GNPDA1: variants seen among roughly 807,000 people sequenced by gnomAD.
The protein encoded by GNPDA1 is glucosamine-6-phosphate deaminase 1.
In GNPDA1, 24 loss-of-function variants were observed where a neutral mutation model predicts 28.5. That is an observed-to-expected ratio of 0.84 (90% confidence interval 0.61 to 1.19). The LOEUF (loss-of-function observed/expected upper bound fraction) is 1.19. Ranked by LOEUF, GNPDA1 falls within the 50% of genes most tolerant of loss-of-function variation. GNPDA1 has a pLI of 0.00. For missense variants in GNPDA1, 264 were observed against 367.3 expected (o/e 0.72, Z 2.30); for synonymous variants, 147 against 139.3 (o/e 1.06, Z -0.39).
intron 2 of GNPDA1, among the ~76,000 whole-genome samples, chr5:142,008,470 T>C (rs1755860752): frequency 1.3e-5 from 2 of 152,346 alleles, no homozygotes; most frequent in South Asian, 4.1e-4. Context: ...CTCACGCCTG[T>C]AACCCCAACA....
Position 142,005,054 on chromosome 5 carries a change from G to A in GNPDA1, c.472C>T (p.Arg158Cys), listed in dbSNP as rs753033449. The A allele has an allele frequency of 1.9e-6, 3 of 1,613,574 alleles. No homozygotes were observed. Among genetic ancestry groups the A allele is most frequent in the Non-Finnish European group, 2.5e-6 (3 of 1,179,604 alleles). The change falls in exon 5 of 7, where the codon CGT becomes TGT. Residue 158 changes from arginine (R) to cysteine (C), a missense_variant. Arg to Cys is a radical substitution (Grantham distance 180). Transcript: ENST00000311337. ...GTATCCATGGCCAGCGTCTTCACAC[G>A]GGTCCTGGACACCAGACTGGAGCCT... ...EPGSSLVSRT[R>C]VKTLAMDTIL... is the part of the protein sequence containing the mutation.
Position 142,006,281 on chromosome 5 carries a change from T to A in GNPDA1, c.272A>T (p.Asn91Ile), listed in dbSNP as rs747101622. The change falls in exon 4 of 7, where the codon AAC becomes ATC. Residue 91 changes from asparagine to isoleucine, a missense_variant. Asn to Ile is a moderately radical substitution (Grantham distance 149, BLOSUM62 -3). Coordinates refer to ENST00000311337, the MANE Select transcript of GNPDA1 (RefSeq NM_005471.5). ...GATGTCAATGTGCTTGAAGAAGTTG[T>A]TCCACATGAAGGAGTGGTAACTCTC... is the stretch of plus-strand genomic sequence containing the variant. ...HPESYHSFMW[N>I]NFFKHIDIHP... 1 of 1,614,094 alleles carries A rather than the reference T, an allele frequency of 6.2e-7. No homozygotes were observed. The highest frequency in any genetic ancestry group is 1.1e-5 in the South Asian group (1 of 91,084).
intron 3 of GNPDA1, 110 bp downstream of exon 3, chr5:142,007,689 C>T: frequency 1.4e-6 from 1 of 698,978 alleles, no homozygotes; most frequent in South Asian, 1.7e-5. Context: ...ATAATTGAGC[C>T]TATCATCAAA....
intron 5 of GNPDA1, among the ~76,000 whole-genome samples, chr5:142,004,681 A>G (rs1023378038): frequency 5.3e-5 from 8 of 152,230 alleles, no homozygotes; most frequent in Non-Finnish European, 2.9e-5. Context: ...GCCTGAGGCC[A>G]GAGAGCCTGC....
At chr5:142,010,533 CAG>C (rs1755922575) in intron 2 of GNPDA1, among the ~76,000 whole-genome samples, 1 of 117,024 alleles carries the variant, frequency 8.5e-6, no homozygotes, top group African/African-American at 3.1e-5. Flanking sequence ...TTTTTTGAGA[CAG>C]AATCTTGCTC....
intron 5 of GNPDA1, among the ~76,000 whole-genome samples, chr5:142,004,655 G>T (rs546612656): frequency 1.3e-5 from 2 of 152,302 alleles, no homozygotes; most frequent in African/African-American, 4.8e-5. Context: ...CTCTGCCTGT[G>T]AAAAGCATGA....
intron 6 of GNPDA1, among the ~76,000 whole-genome samples, 166 bp downstream of exon 6, chr5:142,002,922 C>T (rs1755711606): frequency 3.9e-5 from 6 of 152,140 alleles, no homozygotes; most frequent in African/African-American, 1.4e-4. Flanking sequence ...TCTTTGCAGT[C>T]ACAGGCAGAA....
intron 1 of GNPDA1, chr5:142,012,769 G>A (rs977154240): frequency 4.9e-6 from 4 of 820,420 alleles, no homozygotes; most frequent in Non-Finnish European, 5.9e-6. Context: ...CCAGCACTGC[G>A]GTTAGTGGGA....
At chr5:142,012,178 C>T in intron 1 of GNPDA1, 137 bp from the exon 2 acceptor site, 1 of 847,274 alleles carries the variant, frequency 1.2e-6, no homozygotes. Flanking sequence ...AAAGGCCTTT[C>T]TATTCACAGA....
At chr5:142,005,876 A>G (rs1344796249) in intron 4 of GNPDA1, among the ~76,000 whole-genome samples, 1 of 152,242 alleles carries the variant, frequency 6.6e-6, no homozygotes, top group African/African-American at 2.4e-5. Context: ...GGACTGATCC[A>G]TAAAACCTTA....
chr5:142,006,742 T>C (rs1487275396), intron 3 of GNPDA1, among the ~76,000 whole-genome samples: 1 of 151,588 alleles, frequency 6.6e-6, no homozygotes, highest in Admixed American at 6.6e-5. Flanking sequence ...CTCCCAGTTC[T>C]ACCCCACTCA....
chr5:142,002,675 G>A (rs142028742), intron 6 of GNPDA1, among the ~76,000 whole-genome samples: 7,987 of 152,122 alleles, frequency 0.053, 562 homozygotes, highest in African/African-American at 0.16. Flanking sequence ...AATCACTTAA[G>A]CCCGGGAGGT....
intron 1 of GNPDA1, chr5:142,012,261 G>A: frequency 2.4e-6 from 1 of 410,228 alleles, no homozygotes; most frequent in Non-Finnish European, 4.4e-6. Flanking sequence ...GGCAGATCTG[G>A]GTTCTAATCT....
chr5:142,008,867 T>C (rs935008344), intron 2 of GNPDA1, among the ~76,000 whole-genome samples: 6 of 152,124 alleles, frequency 3.9e-5, no homozygotes, highest in African/African-American at 1.4e-4. Flanking sequence ...AAAAGATAAA[T>C]GTGGACAATT....
At chr5:142,005,968 T>C in intron 4 of GNPDA1, 176 bp downstream of exon 4, 1 of 552,014 alleles carries the variant, frequency 1.8e-6, no homozygotes, top group South Asian at 2.4e-5. Flanking sequence ...CAGAAAGAGA[T>C]CTCCAAGATA....
rs138739318 is a variant in GNPDA1, at chr5:142,001,549, A to G, written c.*480T>C. 6.1e-3 allele frequency: 931 copies of G among 152,644 alleles called. 9 individuals carry two copies. Among genetic ancestry groups the G allele is most frequent in the African/African-American group, 0.019 (801 of 41,548 alleles). The allele number at this position is 152,644 out of a possible 1,614,324, so 9.5% of individuals were successfully genotyped here. The stretch of plus-strand genomic sequence containing the variant: ...GAGACTGCTTCCTTGCACTTATTTT[A>G]GATATTGAGAGTTTGTGCCTTCACT... On this transcript the variant is annotated 3_prime_UTR_variant, in exon 7 of 7. Transcript: ENST00000311337.
intron 4 of GNPDA1, 174 bp downstream of exon 4, chr5:142,005,970 T>G (rs1206816989): frequency 1.8e-6 from 1 of 564,388 alleles, no homozygotes; most frequent in Non-Finnish European, 3.2e-6. Context: ...GAAAGAGATC[T>G]CCAAGATAAC....
In GNPDA1 at chr5:142,007,775, G is replaced by A. The variant is rs745670261; in HGVS notation, c.226+24C>T. 42 of 1,383,330 alleles carry A rather than the reference G, an allele frequency of 3.0e-5. No homozygotes were observed. In the Admixed American group the frequency reaches 6.7e-4, roughly 22 times the overall value. 85.7% of individuals were successfully genotyped at this position (1,383,330 alleles called of 1,614,324 possible). A position where few individuals can be genotyped will look rare whatever the true frequency, so the allele number is the denominator to read the frequency against. On this transcript the variant is annotated intron_variant, in intron 3 of 6. Coordinates refer to ENST00000311337, the MANE Select transcript of GNPDA1 (RefSeq NM_005471.5). ...GCATCACTCTCCTAGAATCAGGAAA[G>A]AACCTTGAAAGAGAAAGACTCACCC...
At chr5:142,010,508 TTTC>T (rs1046603031) in intron 2 of GNPDA1, among the ~76,000 whole-genome samples, 2 of 42,076 alleles carry the variant, frequency 4.8e-5, no homozygotes, top group African/African-American at 1.4e-4. Flanking sequence ...TTTTCTTTTC[TTTC>T]TTTTTTTTTT....
Sources: allele counts gnomAD v4.1 joint callset (sites outside exome capture counted in the v4.1 genomes callset), GRCh38; gene constraint gnomAD v4.1.1; transcripts MANE v1.5; gene names NCBI Gene and HGNC (gene_info 2026-07-23, HGNC 2026-07-21).